Variants in ELF2 observed in about 807,000 individuals in gnomAD.
ELF2 encodes the protein ETS-related transcription factor Elf-2.
A neutral mutation model predicts 54.8 loss-of-function variants in ELF2; 11 were observed. The observed-to-expected ratio is 0.20, with a 90% CI of 0.13 to 0.33. The LOEUF is 0.33. Among genes scored for constraint, ELF2 ranks in the 10% least tolerant of loss-of-function variants. ELF2 has a pLI of 1.00. For synonymous variants in ELF2, 203 were observed against 245.1 expected, an observed-to-expected ratio of 0.83 and a Z score of 1.61; for missense variants, 513 against 703.0, an observed-to-expected ratio of 0.73 and a Z score of 3.06.
intron 4 of ELF2, among the ~76,000 whole-genome samples, chr4:139,085,194 T>C (rs1015009435): frequency 2.0e-5 from 3 of 152,188 alleles, no homozygotes; most frequent in Non-Finnish European, 4.4e-5. Context: ...GACTATAAAT[T>C]TACTGAACAC....
At position 139,059,921 on chromosome 4, in the gene ELF2, C is replaced by T. The variant is rs74881599; in HGVS notation, c.1158-314G>A. Among the ~76,000 whole-genome samples, 835 of 151,424 alleles carry T rather than the reference C, an allele frequency of 5.5e-3. 9 individuals are homozygous for T. Among genetic ancestry groups the T allele is most frequent in the African/African-American group, 0.019 (786 of 41,236 alleles). ...GGAGTATAGTGGTGCAATCTTAGCTCACTACAACCTCCAACTCCTAAGCTC... is the reference window on the plus strand; with the variant it reads ...GGAGTATAGTGGTGCAATCTTAGCTTACTACAACCTCCAACTCCTAAGCTC... On this transcript the variant is annotated intron_variant, in intron 9 of 9. Coordinates refer to ENST00000686138, the MANE Select transcript of ELF2 (RefSeq NM_001331036.3).
chr4:139,134,190 T>C (rs1021078416), intron 3 of ELF2, among the ~76,000 whole-genome samples: 5 of 152,138 alleles, frequency 3.3e-5, no homozygotes, highest in Non-Finnish European at 7.4e-5. Context: ...TTTTGGCAAA[T>C]GGGTTTTCTG....
chr4:139,162,153 C>T (rs1449279890), intron 1 of ELF2, among the ~76,000 whole-genome samples: 3 of 152,172 alleles, frequency 2.0e-5, no homozygotes, highest in African/African-American at 4.8e-5. Flanking sequence ...GAGCTGAGAT[C>T]GTGCCATTGC....
At chr4:139,160,100 G>T (rs1171642987) in intron 1 of ELF2, among the ~76,000 whole-genome samples, 5 of 152,170 alleles carry the variant, frequency 3.3e-5, no homozygotes, top group African/African-American at 1.2e-4. Flanking sequence ...CACTTTGGGA[G>T]GCCAAGGCGG....
At chr4:139,063,368 G>A (rs942956536) in intron 7 of ELF2, among the ~76,000 whole-genome samples, 1 of 152,120 alleles carries the variant, frequency 6.6e-6, no homozygotes, top group African/African-American at 2.4e-5. Flanking sequence ...ATGTTTAAAG[G>A]ATTTCATTAT....
chr4:139,146,886 C>CA (rs755234561), intron 1 of ELF2, among the ~76,000 whole-genome samples: 4 of 151,922 alleles, frequency 2.6e-5, no homozygotes, highest in Admixed American at 6.6e-5. Context: ...CAAGATAGAT[C>CA]AAAGATTTAA....
chr4:139,161,365 T>C (rs1741121148), intron 1 of ELF2, among the ~76,000 whole-genome samples: 1 of 152,120 alleles, frequency 6.6e-6, no homozygotes, highest in South Asian at 2.1e-4. Flanking sequence ...TGTTTTAGGG[T>C]GTCATGATTG....
intron 4 of ELF2, chr4:139,115,399 G>A (rs1217234568): frequency 1.4e-5 from 14 of 1,004,750 alleles, no homozygotes; most frequent in African/African-American, 3.5e-5. Context: ...CCACGTGCGC[G>A]CATCGGGCCC....
At chr4:139,172,289 A>G (rs1202226284) in intron 1 of ELF2, among the ~76,000 whole-genome samples, 2 of 152,236 alleles carry the variant, frequency 1.3e-5, no homozygotes, top group Non-Finnish European at 2.9e-5. Flanking sequence ...TTGCAGTTTC[A>G]GTTACCCACA....
At chr4:139,134,488 C>T (rs982983044) in intron 3 of ELF2, among the ~76,000 whole-genome samples, 5 of 151,500 alleles carry the variant, frequency 3.3e-5, no homozygotes, top group African/African-American at 4.9e-5. Flanking sequence ...TCCCAAGTAC[C>T]TGGGACTCCA....
At chr4:139,081,603 C>CAAGG in intron 4 of ELF2, among the ~76,000 whole-genome samples, 1 of 152,276 alleles carries the variant, frequency 6.6e-6, no homozygotes, top group East Asian at 1.9e-4. Context: ...AATTCTCTGT[C>CAAGG]ACACCTGATG....
chr4:139,156,598 A>G (rs1740563767), intron 1 of ELF2, among the ~76,000 whole-genome samples: 1 of 146,724 alleles, frequency 6.8e-6, no homozygotes, highest in African/African-American at 2.6e-5. Flanking sequence ...TCATTCATAG[A>G]TATATATATA....
chr4:139,082,025 CAA>C (rs1384001550), intron 4 of ELF2, among the ~76,000 whole-genome samples: 1 of 152,036 alleles, frequency 6.6e-6, no homozygotes, highest in African/African-American at 2.4e-5. Flanking sequence ...CTTTTCAAAC[CAA>C]AGACAGTCTT....
At chr4:139,126,588 A>G (rs1578868874) in intron 3 of ELF2, among the ~76,000 whole-genome samples, 1 of 152,308 alleles carries the variant, frequency 6.6e-6, no homozygotes, top group South Asian at 2.1e-4. Context: ...AAGAAAACAC[A>G]GGTTACTACA....
intron 1 of ELF2, among the ~76,000 whole-genome samples, chr4:139,175,819 C>T (rs1742848651): frequency 6.6e-6 from 1 of 152,120 alleles, no homozygotes; most frequent in Non-Finnish European, 1.5e-5. Flanking sequence ...ATGACGTGTC[C>T]CCCTCTTCCT....
chr4:139,171,635 A>G (rs946096978), intron 1 of ELF2, among the ~76,000 whole-genome samples: 2 of 152,056 alleles, frequency 1.3e-5, no homozygotes, highest in Non-Finnish European at 2.9e-5. Flanking sequence ...ACAAATTAAC[A>G]AAATCAGGCC....
chr4:139,076,691 A>G (rs1412024071), intron 4 of ELF2, among the ~76,000 whole-genome samples: 1 of 152,188 alleles, frequency 6.6e-6, no homozygotes, highest in Non-Finnish European at 1.5e-5. Context: ...TTCAAGTTAT[A>G]AACAAAATGA....
chr4:139,084,256 G>A lies in ELF2; in HGVS notation c.239-10689C>T, dbSNP rs1443269918. 9 of 1,607,448 alleles carry A rather than the reference G, an allele frequency of 5.6e-6. No homozygotes were observed. In the African/African-American group the frequency reaches 9.3e-5, roughly 17 times the overall value. On this transcript the variant is annotated intron_variant, in intron 4 of 9. Coordinates refer to ENST00000686138, the MANE Select transcript of ELF2 (RefSeq NM_001331036.3). ...CACCGTGAGCAGCGGCGGCAGGGGA[G>A]GAGGCGGAACCCGCGGCCGGAGACA...
chr4:139,122,558 G>C (rs1339731880), intron 4 of ELF2, among the ~76,000 whole-genome samples: 2 of 151,982 alleles, frequency 1.3e-5, no homozygotes, highest in East Asian at 1.9e-4. Context: ...CTGGAGTGCA[G>C]TAGCACTATC....
Sources: allele counts gnomAD v4.1 joint callset (sites outside exome capture counted in the v4.1 genomes callset), GRCh38; gene constraint gnomAD v4.1.1; transcripts MANE v1.5; gene names NCBI Gene and HGNC (gene_info 2026-07-23, HGNC 2026-07-21).